The following BGN variants were observed in gnomAD, a reference collection of about 807,000 sequenced individuals.
BGN encodes biglycan, also known as bone/cartilage proteoglycan-I.
Under a neutral mutation model 20.0 loss-of-function variants are expected in BGN, and 6 were observed. That is an observed-to-expected ratio of 0.30 (90% CI 0.16 to 0.59). The LOEUF is 0.59. BGN is among the 20% of genes least tolerant of loss of function. BGN has a pLI of 0.88. For missense variants in BGN, 292 were observed against 312.1 expected, an observed-to-expected ratio of 0.94 and a Z score of 0.49; for synonymous variants, 146 against 134.6, an observed-to-expected ratio of 1.08 and a Z score of -0.59.
chrX:153,502,668 G>A (rs1407531275), intron 1 of BGN, among the ~76,000 whole-genome samples: 1 of 113,198 alleles, frequency 8.8e-6, no homozygotes, highest in Non-Finnish European at 1.9e-5. Flanking sequence ...GCCCTGGGCT[G>A]CAACTGTGGG....
chrX:153,506,852 A>G lies in BGN; in HGVS notation c.699A>G (p.Glu233=). ...IPKDLPETLN[E]LHLDHNKIQA... ...CAGACCTCCCTGAGACCCTGAATGA[A>G]CTCCACCTAGACCACAACAAAATCC... The change falls in exon 6 of 8, where the codon GAA becomes GAG. Residue 233 remains glutamate (E), a synonymous_variant. Coordinates refer to ENST00000331595, the MANE Select transcript of BGN (RefSeq NM_001711.6). 8.3e-7 allele frequency: 1 copy of G among 1,209,982 alleles called. No individual in the cohort carries two copies. The highest frequency in any genetic ancestry group is 1.1e-6 in the Non-Finnish European group (1 of 894,935).
In BGN at chrX:153,505,994, G is replaced by A; in HGVS notation, c.483G>A (p.Leu161=). The A allele has an allele frequency of 8.3e-7, 1 of 1,211,497 alleles. No homozygotes were observed. Among genetic ancestry groups the A allele is most frequent in the South Asian group, 1.8e-5 (1 of 56,974 alleles). The change falls in exon 4 of 8, where the codon CTG becomes CTA. Residue 161 remains leucine, a synonymous_variant. Coordinates refer to ENST00000331595, the MANE Select transcript of BGN (RefSeq NM_001711.6). The part of the protein sequence containing the change: ...VEIPPNLPSS[L]VELRIHDNRI... ...TCCCGCCCAACCTACCCAGCTCCCT[G>A]GTGGAGCTCCGCATCCACGACAACC...
In BGN at chrX:153,507,036, C is replaced by G; in HGVS notation, c.771-11C>G. 8.3e-7 allele frequency: 1 copy of G among 1,210,186 alleles called. No individual in the cohort carries two copies. Among genetic ancestry groups the G allele is most frequent in the Non-Finnish European group, 1.1e-6 (1 of 894,223 alleles). On this transcript the variant is annotated splice_polypyrimidine_tract_variant and intron_variant, in intron 6 of 7. Transcript: ENST00000331595. ...CCAGCCTTTGAGTCCGTGTCATTCT[C>G]CCGCTCACAGGCTGGGCCTAGGCCA... is the stretch of plus-strand genomic sequence containing the variant.
In BGN at chrX:153,506,924, G is replaced by A. The variant is rs1556993331; in HGVS notation, c.770+1G>A. ...TGCTTCGCTACTCCAAGCTGTACAG[G>A]TGAGGCCAGCAGGGCACCGCCCAAG... On this transcript the variant is annotated splice_donor_variant, in intron 6 of 7. Transcript: ENST00000331595. LOFTEE classifies it high-confidence loss of function. 5.0e-6 allele frequency: 6 copies of A among 1,210,971 alleles called. No individual in the cohort carries two copies. Among genetic ancestry groups the A allele is most frequent in the Non-Finnish European group, 6.7e-6 (6 of 894,644 alleles).
chrX:153,505,196 T>C, intron 2 of BGN, 42 bp from the exon 3 acceptor site: 1 of 1,104,963 alleles, frequency 9.1e-7, no homozygotes. Context: ...GTGGGGCCCC[T>C]AGGTCTCAAG....
intron 2 of BGN, among the ~76,000 whole-genome samples, 160 bp from the exon 3 acceptor site, chrX:153,505,078 G>A (rs1337754382): frequency 1.8e-5 from 2 of 111,186 alleles, no homozygotes; most frequent in Non-Finnish European, 3.8e-5. Context: ...CCCTGTGTGT[G>A]TGTCCCCGGT....
intron 1 of BGN, among the ~76,000 whole-genome samples, chrX:153,499,188 C>T (rs1476192083): frequency 8.9e-6 from 1 of 112,603 alleles, no homozygotes; most frequent in Non-Finnish European, 1.9e-5. Flanking sequence ...AAAGAAATCA[C>T]ATGAGTCCCC....
intron 4 of BGN, 49 bp from the exon 5 acceptor site, chrX:153,506,480 G>A: frequency 2.7e-6 from 3 of 1,111,685 alleles, no homozygotes; most frequent in Non-Finnish European, 3.7e-6. Context: ...AGGACCCAGG[G>A]CTGTGCAGGG....
At chrX:153,496,948 G>GCCCACCCCCCACCCCCCACCCCCCACCC (rs782279186) in intron 1 of BGN, among the ~76,000 whole-genome samples, 1 of 57,211 alleles carries the variant, frequency 1.7e-5, no homozygotes, top group African/African-American at 8.1e-5. Flanking sequence ...TGCTTCCCGG[G>GCCCACCCCCCACCCCCCACCCCCCACCC]CCCACCCCCC....
At chrX:153,505,780 TG>T in intron 3 of BGN, 82 bp from the exon 4 acceptor site, 1 of 774,102 alleles carries the variant, frequency 1.3e-6, no homozygotes, top group South Asian at 2.4e-5. Context: ...CCCAGTGGGC[TG>T]GGGAGGCACA....
At chrX:153,506,456 G>T (rs1602984178) in intron 4 of BGN, 73 bp from the exon 5 acceptor site, 1 of 972,329 alleles carries the variant, frequency 1.0e-6, no homozygotes, top group East Asian at 3.1e-5. Flanking sequence ...CCACCACACT[G>T]GCCCGGAAGT....
In BGN at chrX:153,504,629, G is replaced by T; in HGVS notation, c.-3G>T. 8.3e-7 allele frequency: 1 copy of T among 1,197,634 alleles called. No homozygotes were observed. The highest frequency in any genetic ancestry group is 2.2e-5 in the Admixed American group (1 of 45,648). The stretch of plus-strand genomic sequence containing the variant: ...CTCGCCTCTTCCCCCAGGTCCATCC[G>T]CCATGTGGCCCCTGTGGCGCCTCGT... On this transcript the variant is annotated 5_prime_UTR_variant, in exon 2 of 8. Transcript: ENST00000331595.
At position 153,499,177 on chromosome X, in the gene BGN, TAAAGA is replaced by T. The variant is rs781941264; in HGVS notation, c.-12+4067_-12+4071del. 1.1e-3 allele frequency among the ~76,000 whole-genome samples: 120 copies of T among 112,333 alleles called. 1 individual carries two copies. Among genetic ancestry groups the T allele is most frequent in the African/African-American group, 3.6e-3 (112 of 30,978 alleles). On this transcript the variant is annotated intron_variant, in intron 1 of 7. Coordinates refer to ENST00000331595, the MANE Select transcript of BGN (RefSeq NM_001711.6). ...CAACGGGGGACGGCAGGATGCTAAG[TAAAGA>T]AATCACATGAGTCCCCTGCTCTGCC...
intron 1 of BGN, among the ~76,000 whole-genome samples, chrX:153,503,710 G>A (rs935023253): frequency 5.3e-5 from 6 of 112,544 alleles, no homozygotes; most frequent in South Asian, 7.3e-4. Context: ...CCCACTCGCC[G>A]CCTCGGCCTG....
rs782535972 is a variant in BGN, at chrX:153,504,739, G to A, written c.108G>A (p.Met36Ile). Reference protein sequence around the residue: ...DFTLDDGPFMMNDEEASGADT... With the variant: ...DFTLDDGPFMINDEEASGADT... ...CCCTGGACGATGGGCCATTCATGAT[G>A]AACGATGAGGAAGCTTCGGGCGCTG... The change falls in exon 2 of 8, where the codon ATG becomes ATA. Residue 36 changes from methionine (M) to isoleucine (I), a missense_variant. Coordinates refer to ENST00000331595, the MANE Select transcript of BGN (RefSeq NM_001711.6). 6 of 1,211,728 alleles carry A rather than the reference G, an allele frequency of 5.0e-6. No homozygotes were observed. The highest frequency in any genetic ancestry group is 4.3e-5 in the Admixed American group (2 of 46,127).
At chrX:153,500,653 A>G (rs781800270) in intron 1 of BGN, among the ~76,000 whole-genome samples, 4 of 112,339 alleles carry the variant, frequency 3.6e-5, no homozygotes, top group Admixed American at 2.8e-4. Flanking sequence ...GTGTGCATGT[A>G]TGTGTGTACA....
rs781960019 is a variant in BGN, at chrX:153,501,761, A to G, written c.-11-2860A>G. On this transcript the variant is annotated intron_variant, in intron 1 of 7. Coordinates refer to ENST00000331595, the MANE Select transcript of BGN (RefSeq NM_001711.6). The stretch of plus-strand genomic sequence containing the variant: ...CACTGCTTGGGCACAGCCATGAGCC[A>G]TGGAAAACCAGCCAAACCTTGTCCT... 2.9e-3 allele frequency among the ~76,000 whole-genome samples: 325 copies of G among 112,185 alleles called. 1 individual carries two copies. Among genetic ancestry groups the G allele is most frequent in the African/African-American group, 1.0e-2 (308 of 30,942 alleles).
At chrX:153,495,249 G>A (rs1257734589) in intron 1 of BGN, 136 bp downstream of exon 1, 2 of 111,721 alleles carry the variant, frequency 1.8e-5, no homozygotes, top group East Asian at 5.7e-4. Context: ...GCTCTCTGTA[G>A]GCTGCTGATC....
At chrX:153,499,683 G>A (rs782774312) in intron 1 of BGN, among the ~76,000 whole-genome samples, 19 of 113,294 alleles carry the variant, frequency 1.7e-4, no homozygotes, top group African/African-American at 5.8e-4. Flanking sequence ...GAACGCACAC[G>A]CCGGGCTTTG....
Sources: gnomAD v4.1 joint callset for allele counts (sites outside exome capture counted in the v4.1 genomes callset) on GRCh38, gnomAD v4.1.1 for gene constraint, MANE v1.5 for transcripts, NCBI Gene and HGNC (gene_info 2026-07-23, HGNC 2026-07-21) for gene names.